The following ADGRD1 variants were observed in gnomAD, a reference collection of about 807,000 sequenced individuals.
ADGRD1 encodes G-protein coupled receptor 133.
Under a neutral mutation model 113.4 loss-of-function variants are expected in ADGRD1, and 77 were observed. That is an observed-to-expected ratio of 0.68 (90% CI 0.57 to 0.82). ADGRD1 has a LOEUF of 0.82. ADGRD1 is among the 40% of genes least tolerant of loss of function. The pLI is 0.00. For missense variants in ADGRD1, 1,036 were observed against 1,139.1 expected (o/e 0.91, Z 1.30); for synonymous variants, 474 against 475.0 (o/e 1.00, Z 0.03).
chr12:131,128,724 C>T (rs1001043622), intron 20 of ADGRD1, among the ~76,000 whole-genome samples: 1 of 152,162 alleles, frequency 6.6e-6, no homozygotes, highest in Non-Finnish European at 1.5e-5. Flanking sequence ...TAACTACATA[C>T]CCACCCCATG....
chr12:131,099,253 C>G (rs1282625406), intron 15 of ADGRD1, among the ~76,000 whole-genome samples: 1 of 152,202 alleles, frequency 6.6e-6, no homozygotes, highest in African/African-American at 2.4e-5. Flanking sequence ...GTGTGAAGCC[C>G]TCTCCCTCCT....
At chr12:131,059,096 C>T (rs749806052) in intron 13 of ADGRD1, among the ~76,000 whole-genome samples, 8 of 152,084 alleles carry the variant, frequency 5.3e-5, no homozygotes, top group Non-Finnish European at 1.2e-4. Flanking sequence ...TGTTGTTTTT[C>T]TTCAAATTAT....
chr12:130,954,408 G>A lies in ADGRD1; in HGVS notation c.-58G>A, dbSNP rs145947457. ...AAGGAAGTGAAGGTTAAGAGGTCCC[G>A]TTCTCACAGACCCTCAGGAATTTCA... is the stretch of plus-strand genomic sequence containing the variant. On this transcript the variant is annotated 5_prime_UTR_variant, in exon 1 of 25. Transcript: ENST00000261654. The surrounding 1 kb of genome is among the most constrained non-coding windows in gnomAD (Gnocchi z 4.7). 1.4e-4 allele frequency: 197 copies of A among 1,437,380 alleles called. No homozygotes were observed. In the Middle Eastern group the frequency reaches 3.9e-3, roughly 28 times the overall value. 89.0% of individuals were successfully genotyped at this position (1,437,380 alleles called of 1,614,324 possible).
At position 131,003,457 on chromosome 12, in the gene ADGRD1, G is replaced by A. The variant is rs975046843; in HGVS notation, c.1144+155G>A. On this transcript the variant is annotated intron_variant, in intron 10 of 24. Transcript: ENST00000261654. The surrounding 1 kb of genome is among the most constrained non-coding windows in gnomAD (Gnocchi z 4.8). The stretch of plus-strand genomic sequence containing the variant: ...ACCACATTTGGAAGGAAAACCCGTG[G>A]TCAGATGAGGGCAGGTGTGTTCGGC... 6.6e-6 allele frequency among the ~76,000 whole-genome samples: 1 copy of A among 152,222 alleles called. No individual in the cohort carries two copies. Among genetic ancestry groups the A allele is most frequent in the Non-Finnish European group, 1.5e-5 (1 of 68,052 alleles).
At position 130,954,568 on chromosome 12, in the gene ADGRD1, G is replaced by T; in HGVS notation, c.66+37G>T. The stretch of plus-strand genomic sequence containing the variant: ...AAGTGGCCAGGATGGCGACAGGCTT[G>T]GTTTCTCCGGAGGCTTTCCCTGAGT... On this transcript the variant is annotated intron_variant, in intron 1 of 24. Coordinates refer to ENST00000261654, the MANE Select transcript of ADGRD1 (RefSeq NM_198827.5). The surrounding 1 kb of genome is among the most constrained non-coding windows in gnomAD (Gnocchi z 4.7). The T allele has an allele frequency of 6.2e-7, 1 of 1,613,780 alleles. No individual in the cohort carries two copies. The highest frequency in any genetic ancestry group is 8.5e-7 in the Non-Finnish European group (1 of 1,179,796).
chr12:131,048,582 C>T lies in ADGRD1; in HGVS notation c.1474-28219C>T, dbSNP rs376696989. Among the ~76,000 whole-genome samples the T allele has an allele frequency of 1.2e-4, 18 of 152,302 alleles. 1 individual carries two copies. Among genetic ancestry groups the T allele is most frequent in the African/African-American group, 4.1e-4 (17 of 41,576 alleles). ...TCCGGGGCTCCATGGATTTGCGGGG[C>T]GGACGGCCCAGCCAGGCACCCTCCC... On this transcript the variant is annotated intron_variant, in intron 13 of 24. Coordinates refer to ENST00000261654, the MANE Select transcript of ADGRD1 (RefSeq NM_198827.5).
chr12:130,978,987 G>A (rs187908428), intron 4 of ADGRD1, among the ~76,000 whole-genome samples: 4 of 152,220 alleles, frequency 2.6e-5, no homozygotes, highest in East Asian at 3.9e-4. Flanking sequence ...GGGAAGTGGC[G>A]GGAGGCTCGG....
intron 13 of ADGRD1, chr12:131,023,468 CGTGT>C (rs59794195): frequency 6.6e-6 from 1 of 151,090 alleles, no homozygotes; most frequent in African/African-American, 2.4e-5. Flanking sequence ...CGGTCCCATT[CGTGT>C]GTGTGTGTGT....
chr12:131,020,438 A>AGC (rs1186327674), intron 13 of ADGRD1, among the ~76,000 whole-genome samples: 1 of 152,242 alleles, frequency 6.6e-6, no homozygotes, highest in Non-Finnish European at 1.5e-5. Context: ...CATGCCTAAT[A>AGC]GCACCCCAGG....
At chr12:131,004,023 C>CTTTT (rs56871865) in intron 10 of ADGRD1, among the ~76,000 whole-genome samples, 163 bp from the exon 11 acceptor site, 1 of 139,028 alleles carries the variant, frequency 7.2e-6, no homozygotes. Flanking sequence ...TTGCTTTACC[C>CTTTT]TTTTTTTTTT....
chr12:131,063,935 T>C (rs1884526656), intron 13 of ADGRD1, among the ~76,000 whole-genome samples: 1 of 152,228 alleles, frequency 6.6e-6, no homozygotes, highest in Non-Finnish European at 1.5e-5. Context: ...TATCTCTCCA[T>C]TTATTTAAAA....
intron 15 of ADGRD1, among the ~76,000 whole-genome samples, chr12:131,094,424 G>A (rs574083218): frequency 4.6e-5 from 7 of 152,134 alleles, no homozygotes; most frequent in East Asian, 3.9e-4. Context: ...GGGGCAGGAC[G>A]GTCTATTGCC....
intron 13 of ADGRD1, among the ~76,000 whole-genome samples, chr12:131,046,191 C>T (rs1882713549): frequency 7.1e-6 from 1 of 140,858 alleles, no homozygotes; most frequent in African/African-American, 2.6e-5. Flanking sequence ...TGCTCCCTCC[C>T]TGGTCAGTGC....
chr12:131,048,732 G>A (rs1452916432), intron 13 of ADGRD1, among the ~76,000 whole-genome samples: 1 of 152,230 alleles, frequency 6.6e-6, no homozygotes, highest in African/African-American at 2.4e-5. Flanking sequence ...GGCAGGGCAG[G>A]GATAATTTTC....
chr12:131,044,908 G>A (rs1207809486), intron 13 of ADGRD1, among the ~76,000 whole-genome samples: 5 of 152,242 alleles, frequency 3.3e-5, no homozygotes, highest in African/African-American at 9.6e-5. Context: ...TGGCTGCGCC[G>A]CGGTTCGTGT....
chr12:131,045,823 G>C (rs570357151), intron 13 of ADGRD1, among the ~76,000 whole-genome samples: 1 of 152,144 alleles, frequency 6.6e-6, no homozygotes, highest in East Asian at 1.9e-4. Context: ...GCGGGCACAG[G>C]CTGAGATGTG....
At chr12:131,062,146 C>T (rs557394500) in intron 13 of ADGRD1, among the ~76,000 whole-genome samples, 1 of 152,298 alleles carries the variant, frequency 6.6e-6, no homozygotes, top group South Asian at 2.1e-4. Context: ...CCTGCCTCAG[C>T]CTCCCAAGCC....
chr12:131,053,601 G>T lies in ADGRD1; in HGVS notation c.1474-23200G>T, dbSNP rs144337074. 5.5e-3 allele frequency among the ~76,000 whole-genome samples: 837 copies of T among 152,230 alleles called. 2 individuals carry two copies. Among genetic ancestry groups the T allele is most frequent in the Non-Finnish European group, 7.7e-3 (524 of 68,014 alleles). The stretch of plus-strand genomic sequence containing the variant: ...GAATTTTAGACTTTCCATAACATCA[G>T]TCAAAGTCAATGAACCAGAATGGTG... On this transcript the variant is annotated intron_variant, in intron 13 of 24. Transcript: ENST00000261654.
chr12:130,999,661 C>T (rs966885515), intron 8 of ADGRD1, among the ~76,000 whole-genome samples: 3 of 152,026 alleles, frequency 2.0e-5, no homozygotes, highest in Admixed American at 6.6e-5. Flanking sequence ...ATGAGTGAAA[C>T]GGACATGAGC....
Sources: allele counts gnomAD v4.1 joint callset (sites outside exome capture counted in the v4.1 genomes callset), GRCh38; gene constraint gnomAD v4.1.1; non-coding constraint Gnocchi (gnomAD v3.1); transcripts MANE v1.5; gene names NCBI Gene and HGNC (gene_info 2026-07-23, HGNC 2026-07-21).